PRKG1: variants seen among roughly 807,000 people sequenced by gnomAD.
PRKG1 encodes the protein cGMP-dependent protein kinase 1.
A neutral mutation model predicts 88.1 loss-of-function variants in PRKG1; 35 were observed. That is an observed-to-expected ratio of 0.40 (90% CI 0.30 to 0.53). The LOEUF (loss-of-function observed/expected upper bound fraction) is 0.53. PRKG1 is among the 20% of genes least tolerant of loss of function. The pLI, the probability that PRKG1 is intolerant of heterozygous loss-of-function variation, is 0.59. For missense variants in PRKG1, 540 were observed against 839.8 expected (o/e 0.64, Z 4.41); for synonymous variants, 303 against 292.5 (o/e 1.04, Z -0.37).
intron 1 of PRKG1, among the ~76,000 whole-genome samples, chr10:51,029,832 C>T (rs769768583): frequency 2.0e-5 from 3 of 152,080 alleles, no homozygotes; most frequent in Non-Finnish European, 2.9e-5. Flanking sequence ...AGATTACCTG[C>T]GTCCAAACCA....
chr10:51,732,346 A>G (rs1185875757), intron 3 of PRKG1, among the ~76,000 whole-genome samples: 1 of 152,204 alleles, frequency 6.6e-6, no homozygotes, highest in Non-Finnish European at 1.5e-5. Context: ...AGTGTGAGGT[A>G]TGGGGGCGAA....
At chr10:51,937,753 T>G (rs1842826040) in intron 5 of PRKG1, among the ~76,000 whole-genome samples, 1 of 152,008 alleles carries the variant, frequency 6.6e-6, no homozygotes, top group Non-Finnish European at 1.5e-5. Context: ...TGACTGAGAG[T>G]GCCAAAGTCC....
At chr10:51,980,342 G>T (rs1904043) in intron 5 of PRKG1, among the ~76,000 whole-genome samples, 16,613 of 152,152 alleles carry the variant, frequency 0.11, 1,209 homozygotes, top group East Asian at 0.32. Context: ...TTGTCTGAAA[G>T]AATAGTTGTT....
At chr10:51,674,306 T>C (rs1840656819) in intron 3 of PRKG1, among the ~76,000 whole-genome samples, 1 of 152,066 alleles carries the variant, frequency 6.6e-6, no homozygotes, top group Non-Finnish European at 1.5e-5. Context: ...TAGGTATTTC[T>C]CCTAATGCTA....
intron 5 of PRKG1, among the ~76,000 whole-genome samples, chr10:52,010,834 TA>T (rs1844861718): frequency 6.6e-6 from 1 of 152,186 alleles, no homozygotes; most frequent in East Asian, 1.9e-4. Flanking sequence ...AGAATACTCA[TA>T]AGAGCACAGC....
chr10:51,939,622 A>G lies in PRKG1; in HGVS notation c.762+32052A>G, dbSNP rs75629502. Among the ~76,000 whole-genome samples the G allele has an allele frequency of 3.1e-3, 464 of 151,532 alleles. 4 individuals are homozygous for G. The highest frequency in any genetic ancestry group is 0.011 in the African/African-American group (440 of 41,318). ...TTTTTTTTTAATTTTGAGAAACACC[A>G]CTATCTTGGTCATGTCCTTAACATG... On this transcript the variant is annotated intron_variant, in intron 5 of 17. Transcript: ENST00000373980.
chr10:51,092,688 G>T (rs1267931911), intron 1 of PRKG1, among the ~76,000 whole-genome samples: 1 of 152,032 alleles, frequency 6.6e-6, no homozygotes, highest in African/African-American at 2.4e-5. Flanking sequence ...CTTTCTTATT[G>T]TGCGGGTACC....
At chr10:52,038,780 G>A (rs1845682408) in intron 5 of PRKG1, among the ~76,000 whole-genome samples, 2 of 152,190 alleles carry the variant, frequency 1.3e-5, no homozygotes, top group Admixed American at 6.5e-5. Context: ...GGGGAAGGCT[G>A]CCTTCCCAGT....
chr10:51,628,660 T>C (rs932529628), intron 3 of PRKG1, among the ~76,000 whole-genome samples: 4 of 152,106 alleles, frequency 2.6e-5, no homozygotes, highest in African/African-American at 9.7e-5. Context: ...GCTTTCAAGT[T>C]TTTCAAAACT....
At chr10:51,830,548 GTTTTTTTTTTTGTTTTTTT>G (rs1331435124) in intron 4 of PRKG1, among the ~76,000 whole-genome samples, 1 of 116,222 alleles carries the variant, frequency 8.6e-6, no homozygotes, top group Non-Finnish European at 1.9e-5. Context: ...CTCTTAAAGT[GTTTTTTTTTTTGTTTTTTT>G]TTTTTTTTTT....
At chr10:51,716,290 C>G (rs1841884154) in intron 3 of PRKG1, among the ~76,000 whole-genome samples, 1 of 152,162 alleles carries the variant, frequency 6.6e-6, no homozygotes, top group Admixed American at 6.5e-5. Flanking sequence ...TCCGTCACCC[C>G]TGTTTTTGAT....
At chr10:52,262,096 A>G (rs965822182) in intron 10 of PRKG1, among the ~76,000 whole-genome samples, 1 of 152,134 alleles carries the variant, frequency 6.6e-6, no homozygotes, top group Non-Finnish European at 1.5e-5. Context: ...TGGGACTACT[A>G]ACTTAAAAAC....
chr10:51,810,820 GCCATACTT>G (rs1376195166), intron 4 of PRKG1, among the ~76,000 whole-genome samples: 4 of 152,066 alleles, frequency 2.6e-5, no homozygotes, highest in Middle Eastern at 3.2e-3. Flanking sequence ...CTGCCTATGG[GCCATACTT>G]CAACCAAACT....
intron 3 of PRKG1, among the ~76,000 whole-genome samples, chr10:51,765,874 A>G (rs1182828841): frequency 1.4e-5 from 2 of 148,060 alleles, no homozygotes; most frequent in African/African-American, 5.0e-5. Context: ...CCATAAAAAT[A>G]TCACAGGCAG....
intron 3 of PRKG1, among the ~76,000 whole-genome samples, chr10:51,535,885 G>C (rs927522540): frequency 8.6e-5 from 13 of 151,926 alleles, no homozygotes; most frequent in Non-Finnish European, 4.4e-5. Context: ...ACCATGCCCA[G>C]TTAAGTTTTG....
intron 2 of PRKG1, among the ~76,000 whole-genome samples, chr10:51,336,130 G>A (rs1346061809): frequency 6.6e-6 from 1 of 151,998 alleles, no homozygotes. Context: ...AGGTGGGCAG[G>A]TCACCTGAAC....
chr10:51,919,186 C>A (rs974538554), intron 5 of PRKG1, among the ~76,000 whole-genome samples: 2 of 152,132 alleles, frequency 1.3e-5, no homozygotes, highest in African/African-American at 4.8e-5. Flanking sequence ...TCATGCAGTT[C>A]CTTAGGCCAG....
chr10:51,142,441 A>G (rs1845840730), intron 1 of PRKG1, among the ~76,000 whole-genome samples: 1 of 151,938 alleles, frequency 6.6e-6, no homozygotes, highest in Non-Finnish European at 1.5e-5. Flanking sequence ...AAATGGCCAA[A>G]GATATGAGAA....
At chr10:51,098,948 G>C (rs10822211) in intron 1 of PRKG1, among the ~76,000 whole-genome samples, 33,653 of 152,114 alleles carry the variant, frequency 0.22, 3,861 homozygotes, top group Admixed American at 0.27. Context: ...AAACCTTGCA[G>C]TTTCTCACAT....
Sources: allele counts gnomAD v4.1 joint callset (sites outside exome capture counted in the v4.1 genomes callset), GRCh38; gene constraint gnomAD v4.1.1; transcripts MANE v1.5; gene names NCBI Gene and HGNC (gene_info 2026-07-23, HGNC 2026-07-21).